RTEL1: variants seen among roughly 807,000 people sequenced by gnomAD.
RTEL1 encodes the protein regulator of telomere length.
RTEL1 carries 86 observed loss-of-function variants against 162.2 expected under a neutral mutation model. The observed-to-expected ratio is 0.53, with a 90% CI of 0.45 to 0.63. The LOEUF (loss-of-function observed/expected upper bound fraction) is 0.63, where lower values mean the gene tolerates loss of function less well. Ranked by LOEUF, RTEL1 falls within the 30% of genes least tolerant of loss-of-function variation. The pLI is 0.00. For missense variants in RTEL1, 1,941 were observed against 1,750.2 expected, an observed-to-expected ratio of 1.11 and a Z score of -1.95; for synonymous variants, 958 against 717.9, an observed-to-expected ratio of 1.33 and a Z score of -5.35.
chr20:63,688,549 A>G lies in RTEL1; in HGVS notation c.1744A>G (p.Met582Val), dbSNP rs745349945. The stretch of plus-strand genomic sequence containing the variant: ...ACAGGCCCGCGACTTGGCCAGGAAG[A>G]TGGAGGCGCTGAAGCCGCTGTTTGT... The part of the protein sequence containing the change: ...FWRARDLARK[M>V]EALKPLFVEP... The change falls in exon 21 of 35, where the codon ATG (methionine) becomes GTG (valine). Residue 582 changes from methionine (M) to valine (V), a missense_variant. Physicochemically the swap from Met to Val is conservative, Grantham distance 21. Transcript: ENST00000360203. The G allele has an allele frequency of 6.2e-7, 1 of 1,610,854 alleles. No homozygotes were observed. The highest frequency in any genetic ancestry group is 8.5e-7 in the Non-Finnish European group (1 of 1,179,584).
intron 6 of RTEL1, 25 bp from the exon 7 acceptor site, chr20:63,665,979 G>C (rs1238839091): frequency 1.2e-6 from 2 of 1,611,882 alleles, no homozygotes; most frequent in Admixed American, 1.7e-5. Flanking sequence ...GAGGGTGTGT[G>C]TTTACCCCTG....
In RTEL1 at chr20:63,694,789, G is replaced by A; in HGVS notation, c.3158G>A (p.Gly1053Glu). 3.1e-6 allele frequency: 5 copies of A among 1,612,026 alleles called. No homozygotes were observed. The highest frequency in any genetic ancestry group is 4.2e-6 in the Non-Finnish European group (5 of 1,179,612). The stretch of plus-strand genomic sequence containing the variant: ...TGGGGGTCTGGAGTGCCCAGAGCAG[G>A]GAAGCAGGGCCAGCACGCCGTGAGC... Reference protein sequence around the residue: ...PQWGSGVPRAGKQGQHAVSAY... With the variant: ...PQWGSGVPRAEKQGQHAVSAY... The change falls in exon 32 of 35, where the codon GGG (glycine) becomes GAG (glutamate). Residue 1053 changes from glycine (G) to glutamate (E), a missense_variant. By Grantham distance (98) the Gly-to-Glu change is moderately conservative (BLOSUM62 -2). Coordinates refer to ENST00000360203, the MANE Select transcript of RTEL1 (RefSeq NM_001283009.2).
chr20:63,672,649 C>G (rs1175372720), intron 9 of RTEL1, 28 bp downstream of exon 9: 6 of 1,543,162 alleles, frequency 3.9e-6, no homozygotes, highest in Non-Finnish European at 5.3e-6. Flanking sequence ...TCCTAAACAC[C>G]TCCTATTGCT....
intron 30 of RTEL1, among the ~76,000 whole-genome samples, chr20:63,693,486 A>ACGT (rs2090844394): frequency 4.7e-5 from 1 of 21,220 alleles, no homozygotes; most frequent in East Asian, 8.1e-4. Flanking sequence ...CACCTCCACC[A>ACGT]CCACCTCCAC....
At chr20:63,662,697 G>A in intron 5 of RTEL1, 70 bp downstream of exon 5, 1 of 1,606,618 alleles carries the variant, frequency 6.2e-7, no homozygotes, top group Non-Finnish European at 8.5e-7. Flanking sequence ...CAGAGCCCCA[G>A]GCTGCGCTCC....
At chr20:63,690,483 G>GGGGGT in intron 26 of RTEL1, 42 bp downstream of exon 26, 4 of 1,280,970 alleles carry the variant, frequency 3.1e-6, no homozygotes, top group Non-Finnish European at 3.2e-6. Flanking sequence ...GGGGGTGGCG[G>GGGGGT]AGCGGGCGGC....
rs371029090 is a variant in RTEL1 at position 63,661,332 on chromosome 20, C to T, written c.137C>T (p.Thr46Ile). 3 of 1,612,738 alleles carry T rather than the reference C, an allele frequency of 1.9e-6. No homozygotes were observed. The highest frequency in any genetic ancestry group is 2.7e-5 in the African/African-American group (2 of 74,910). ...VNGILESPTG[T>I]GKTLCLLCTT... ...GGCATCCTGGAGAGCCCTACGGGTACAGGGAAGACGCTGTGCCTGCTGTGC... is the reference window on the plus strand; with the variant it reads ...GGCATCCTGGAGAGCCCTACGGGTATAGGGAAGACGCTGTGCCTGCTGTGC... The change falls in exon 3 of 35, where the codon ACA (threonine) becomes ATA (isoleucine). Residue 46 changes from threonine to isoleucine, a missense_variant. Physicochemically the swap from Thr to Ile is moderately conservative, Grantham distance 89. Coordinates refer to ENST00000360203, the MANE Select transcript of RTEL1 (RefSeq NM_001283009.2). The surrounding 1 kb of genome is among the most constrained non-coding windows in gnomAD (Gnocchi z 5.1).
chr20:63,659,443 C>T lies in RTEL1; in HGVS notation c.41C>T (p.Pro14Leu). Residue 14 changes from proline to leucine, a missense_variant, in exon 2 of 35, where the codon CCT becomes CTT. Pro to Leu is a moderately conservative substitution (Grantham distance 98). Coordinates refer to ENST00000360203, the MANE Select transcript of RTEL1 (RefSeq NM_001283009.2). ...IVLNGVTVDF[P>L]FQPYKCQQEY... is the part of the protein sequence containing the mutation. Reference sequence around the variant, plus strand: ...CTGAATGGTGTGACCGTAGACTTCCCTTTCCAGCCCTACAAATGCCAACAG... The same window carrying T: ...CTGAATGGTGTGACCGTAGACTTCCTTTTCCAGCCCTACAAATGCCAACAG... 1 of 1,614,190 alleles carries T rather than the reference C, an allele frequency of 6.2e-7. No individual in the cohort carries two copies. The highest frequency in any genetic ancestry group is 8.5e-7 in the Non-Finnish European group (1 of 1,180,012).
chr20:63,672,775 C>T (rs1238243289), intron 9 of RTEL1, among the ~76,000 whole-genome samples, 154 bp downstream of exon 9: 4 of 152,224 alleles, frequency 2.6e-5, no homozygotes, highest in African/African-American at 7.2e-5. Context: ...CTGCCACCCC[C>T]TCCCGCCCTG....
At chr20:63,682,470 G>A in intron 14 of RTEL1, 1 of 985,330 alleles carries the variant, frequency 1.0e-6, no homozygotes, top group Non-Finnish European at 1.2e-6. Context: ...GGCCTCCCAG[G>A]CCCCCACTTA....
intron 6 of RTEL1, 52 bp from the exon 7 acceptor site, chr20:63,665,952 G>T: frequency 6.4e-7 from 1 of 1,561,132 alleles, no homozygotes; most frequent in Non-Finnish European, 8.8e-7. Flanking sequence ...CCTGTGGTCT[G>T]GGACTTAGTG....
At chr20:63,689,723 C>A (rs762015102) in intron 23 of RTEL1, 27 bp from the exon 24 acceptor site, 12 of 1,608,052 alleles carry the variant, frequency 7.5e-6, no homozygotes, top group Non-Finnish European at 9.3e-6. Context: ...AAGGGAGCCC[C>A]CGTGACCGAG....
chr20:63,675,770 C>G (rs999775967), intron 10 of RTEL1, among the ~76,000 whole-genome samples: 8 of 152,194 alleles, frequency 5.3e-5, no homozygotes, highest in African/African-American at 1.7e-4. Context: ...TCCCCCAACC[C>G]CACCTCTCTA....
chr20:63,692,009 T>C, intron 28 of RTEL1, 172 bp downstream of exon 28: 1 of 574,508 alleles, frequency 1.7e-6, no homozygotes, highest in East Asian at 3.0e-5. Flanking sequence ...GTGTGGTTTC[T>C]TCTGCAGGGG....
chr20:63,693,301 T>C lies in RTEL1; in HGVS notation c.2992+18T>C. On this transcript the variant is annotated intron_variant, in intron 30 of 34. Transcript: ENST00000360203. Reference sequence around the variant, plus strand: ...CCCCACTGGTAAATGGGGCCCCAGGTGGGACCCTCAGACTCCTGCGTGGAA... The same window carrying C: ...CCCCACTGGTAAATGGGGCCCCAGGCGGGACCCTCAGACTCCTGCGTGGAA... 6.2e-7 allele frequency: 1 copy of C among 1,610,972 alleles called. No homozygotes were observed. Among genetic ancestry groups the C allele is most frequent in the Non-Finnish European group, 8.5e-7 (1 of 1,179,152 alleles).
At chr20:63,685,651 G>T in intron 15 of RTEL1, 54 bp downstream of exon 15, 1 of 1,593,842 alleles carries the variant, frequency 6.3e-7, no homozygotes, top group Admixed American at 1.8e-5. Flanking sequence ...CCCCGGCAGG[G>T]CTGGGGGCCT....
At chr20:63,664,880 C>A (rs892099631) in intron 6 of RTEL1, among the ~76,000 whole-genome samples, 7 of 152,196 alleles carry the variant, frequency 4.6e-5, no homozygotes, top group East Asian at 3.9e-4. Flanking sequence ...CAGCCTGGGG[C>A]AGAGCCTCTG....
Position 63,694,768 on chromosome 20 carries a change from G to T in RTEL1, c.3137G>T (p.Gly1046Val). Reference protein sequence around the residue: ...TGDPGSQPQWGSGVPRAGKQG... With the variant: ...TGDPGSQPQWVSGVPRAGKQG... ...GACCCTGGCAGCCAACCACAGTGGGGGTCTGGAGTGCCCAGAGCAGGGAAG... is the reference window on the plus strand; with the variant it reads ...GACCCTGGCAGCCAACCACAGTGGGTGTCTGGAGTGCCCAGAGCAGGGAAG... The change falls in exon 32 of 35, where the codon GGG (glycine) becomes GTG (valine). Residue 1046 changes from glycine to valine, a missense_variant. Transcript: ENST00000360203. 1 of 1,610,384 alleles carries T rather than the reference G, an allele frequency of 6.2e-7. No homozygotes were observed. Among genetic ancestry groups the T allele is most frequent in the East Asian group, 2.2e-5 (1 of 44,820 alleles).
Position 63,690,770 on chromosome 20 carries a change from C to T in RTEL1, c.2414-35C>T, listed in dbSNP as rs752225570. The stretch of plus-strand genomic sequence containing the variant: ...GGCAGGGACCCCAGCTGGGGCCCCC[C>T]GTGGGCTTCACTGCGCACTCGGGTG... On this transcript the variant is annotated intron_variant, in intron 26 of 34. Coordinates refer to ENST00000360203, the MANE Select transcript of RTEL1 (RefSeq NM_001283009.2). The T allele has an allele frequency of 6.8e-5, 107 of 1,570,940 alleles. No individual in the cohort carries two copies. In the African/African-American group the frequency reaches 8.6e-4, roughly 13 times the overall value.
Sources: allele counts gnomAD v4.1 joint callset (sites outside exome capture counted in the v4.1 genomes callset), GRCh38; gene constraint gnomAD v4.1.1; non-coding constraint Gnocchi (gnomAD v3.1); transcripts MANE v1.5; gene names NCBI Gene and HGNC (gene_info 2026-07-23, HGNC 2026-07-21).